HNRNPD: variants seen among roughly 807,000 people sequenced by gnomAD.
The protein encoded by HNRNPD is heterogeneous nuclear ribonucleoprotein D0.
In HNRNPD, 3 loss-of-function variants were observed where a neutral mutation model predicts 47.9. The ratio of observed to expected loss-of-function variants is 0.06; its 90% CI spans 0.03 to 0.16. The LOEUF (loss-of-function observed/expected upper bound fraction) is 0.16. Among genes scored for constraint, HNRNPD ranks in the 10% least tolerant of loss-of-function variants. The pLI is 1.00. For missense variants in HNRNPD, 287 were observed against 454.2 expected (o/e 0.63, Z 3.35); for synonymous variants, 171 against 165.1 (o/e 1.04, Z -0.28).
In HNRNPD at chr4:82,352,826, A is replaced by G. The variant is rs959803069; in HGVS notation, c.*1359T>C. On this transcript the variant is annotated 3_prime_UTR_variant, in exon 9 of 9. Coordinates refer to ENST00000313899, the MANE Select transcript of HNRNPD (RefSeq NM_031370.3). Reference sequence around the variant, plus strand: ...ACTTTAATAACACTAACTTTTGCTCATTAAAATGTTTGCTTAGTTGGAGGT... The same window carrying G: ...ACTTTAATAACACTAACTTTTGCTCGTTAAAATGTTTGCTTAGTTGGAGGT... The G allele has an allele frequency of 2.0e-5, 3 of 152,234 alleles. No homozygotes were observed. Among genetic ancestry groups the G allele is most frequent in the Admixed American group, 6.5e-5 (1 of 15,284 alleles). 9.4% of individuals were successfully genotyped at this position (152,234 alleles called of 1,614,324 possible).
At position 82,352,738 on chromosome 4, in the gene HNRNPD, T is replaced by G. The variant is rs893504679; in HGVS notation, c.*1447A>C. 1 of 152,194 alleles carries G rather than the reference T, an allele frequency of 6.6e-6. No individual in the cohort carries two copies. The highest frequency in any genetic ancestry group is 2.4e-5 in the African/African-American group (1 of 41,454). The allele number at this position is 152,194 out of a possible 1,614,324, so 9.4% of individuals were successfully genotyped here. Reference sequence around the variant, plus strand: ...TATACAAAACATAAACAAATGAGCATAGCTGGGTTGCAATCTTATAAAAAC... The same window carrying G: ...TATACAAAACATAAACAAATGAGCAGAGCTGGGTTGCAATCTTATAAAAAC... On this transcript the variant is annotated 3_prime_UTR_variant, in exon 9 of 9. Transcript: ENST00000313899.
chr4:82,359,430 T>C, intron 3 of HNRNPD, 41 bp downstream of exon 3: 1 of 1,345,870 alleles, frequency 7.4e-7, no homozygotes, highest in Non-Finnish European at 9.9e-7. Context: ...CATATGTTAA[T>C]ATTTTATATT....
At chr4:82,363,802 C>T (rs746893641) in intron 2 of HNRNPD, among the ~76,000 whole-genome samples, 31 of 152,314 alleles carry the variant, frequency 2.0e-4, no homozygotes, top group Admixed American at 2.6e-4. Flanking sequence ...ACATTGGCTT[C>T]CACCAAATTG....
At chr4:82,360,455 A>G (rs1021592807) in intron 2 of HNRNPD, among the ~76,000 whole-genome samples, 1 of 152,142 alleles carries the variant, frequency 6.6e-6, no homozygotes, top group Non-Finnish European at 1.5e-5. Context: ...AGCTTTACAT[A>G]GGCTCCCTTT....
At chr4:82,373,172 T>C (rs796920006) in intron 1 of HNRNPD, 13 of 648,554 alleles carry the variant, frequency 2.0e-5, no homozygotes, top group South Asian at 6.0e-5. Flanking sequence ...AGGAGACCCA[T>C]GGCGAGGGAG....
In HNRNPD at chr4:82,357,622, C is replaced by G. The variant is rs940803662; in HGVS notation, c.622-178G>C. Reference sequence around the variant, plus strand: ...TAAGGAATTCTTCAAATTAGAACACCCATTCCATCTAAGGTCTTCACAACT... The same window carrying G: ...TAAGGAATTCTTCAAATTAGAACACGCATTCCATCTAAGGTCTTCACAACT... On this transcript the variant is annotated intron_variant, in intron 4 of 8. Transcript: ENST00000313899. The G allele has an allele frequency of 1.4e-5, 7 of 513,676 alleles. No homozygotes were observed. In the African/African-American group the frequency reaches 1.4e-4, roughly 10 times the overall value. The allele number at this position is 513,676 out of a possible 1,614,324, so 31.8% of individuals were successfully genotyped here.
At chr4:82,369,127 C>T (rs1331393701) in intron 2 of HNRNPD, among the ~76,000 whole-genome samples, 1 of 152,182 alleles carries the variant, frequency 6.6e-6, no homozygotes, top group Non-Finnish European at 1.5e-5. Flanking sequence ...ACTTTAAAAA[C>T]TCTGCCCTCA....
At chr4:82,356,770 T>C (rs747864993) in intron 6 of HNRNPD, 26 bp downstream of exon 6, 7 of 1,612,398 alleles carry the variant, frequency 4.3e-6, no homozygotes, top group East Asian at 4.5e-5. Context: ...AAGCTTAAGA[T>C]AGAGTAAACT....
rs1004127154 is a variant in HNRNPD at position 82,352,795 on chromosome 4, A to T, written c.*1390T>A. ...CAGGTCCTCAATTTGGATCTATCATAAAAAAACTTTAATAACACTAACTTT... is the reference window on the plus strand; with the variant it reads ...CAGGTCCTCAATTTGGATCTATCATTAAAAAACTTTAATAACACTAACTTT... On this transcript the variant is annotated 3_prime_UTR_variant, in exon 9 of 9. Coordinates refer to ENST00000313899, the MANE Select transcript of HNRNPD (RefSeq NM_031370.3). 7.0e-5 allele frequency: 2 copies of T among 28,604 alleles called. No individual in the cohort carries two copies. Among genetic ancestry groups the T allele is most frequent in the Non-Finnish European group, 1.3e-4 (2 of 14,826 alleles). 1.8% of individuals were successfully genotyped at this position (28,604 alleles called of 1,614,324 possible).
At position 82,373,907 on chromosome 4, in the gene HNRNPD, T is replaced by TA. The variant is rs2110008427; in HGVS notation, c.-230dup. The TA allele has an allele frequency of 9.8e-7, 1 of 1,022,780 alleles. No homozygotes were observed. The highest frequency in any genetic ancestry group is 3.2e-5 in the East Asian group (1 of 31,528). 63.4% of individuals were successfully genotyped at this position (1,022,780 alleles called of 1,614,324 possible). Reference sequence around the variant, plus strand: ...ACACTCCCGCTCTCTCCCGCTGCACTAAAAAAGAATAAGCACCAGCGGCGG... The same window carrying TA: ...ACACTCCCGCTCTCTCCCGCTGCACTAAAAAAAGAATAAGCACCAGCGGCGG... On this transcript the variant is annotated 5_prime_UTR_variant, in exon 1 of 9. Coordinates refer to ENST00000313899, the MANE Select transcript of HNRNPD (RefSeq NM_031370.3).
At chr4:82,356,090 G>C (rs1237531418) in intron 7 of HNRNPD, 1 of 154,116 alleles carries the variant, frequency 6.5e-6, no homozygotes, top group Non-Finnish European at 1.4e-5. Context: ...AAGTTTTTTG[G>C]TTCTATCAAG....
chr4:82,361,829 G>A (rs1453966957), intron 2 of HNRNPD, among the ~76,000 whole-genome samples: 2 of 152,056 alleles, frequency 1.3e-5, no homozygotes, highest in African/African-American at 4.8e-5. Flanking sequence ...CTCTCCAAAC[G>A]TACTCCCCAC....
In HNRNPD at chr4:82,370,981, T is replaced by TATACAC. The variant is rs142474751; in HGVS notation, c.290+546_290+547insGTGTAT. Among the ~76,000 whole-genome samples the TATACAC allele has an allele frequency of 3.9e-3, 588 of 149,450 alleles. 8 individuals are homozygous for TATACAC. The highest frequency in any genetic ancestry group is 0.028 in the East Asian group (139 of 5,050). Reference sequence around the variant, plus strand: ...AGCCCACCTTTTAATGGTATATATATACACACACACACACACACACACACT... The same window carrying TATACAC: ...AGCCCACCTTTTAATGGTATATATATATACACACACACACACACACACACACACACT... On this transcript the variant is annotated intron_variant, in intron 2 of 8. Coordinates refer to ENST00000313899, the MANE Select transcript of HNRNPD (RefSeq NM_031370.3).
intron 2 of HNRNPD, among the ~76,000 whole-genome samples, chr4:82,370,089 C>T (rs1719963435): frequency 6.6e-6 from 1 of 152,094 alleles, no homozygotes; most frequent in African/African-American, 2.4e-5. Context: ...TTGCGCTGAG[C>T]CAAGATCACA....
At position 82,373,911 on chromosome 4, in the gene HNRNPD, AAAG is replaced by A. The variant is rs1435459707; in HGVS notation, c.-236_-234del. The A allele has an allele frequency of 1.9e-6, 2 of 1,029,168 alleles. No homozygotes were observed. The highest frequency in any genetic ancestry group is 3.4e-5 in the African/African-American group (2 of 58,498). 63.8% of individuals were successfully genotyped at this position (1,029,168 alleles called of 1,614,324 possible). ...TCCCGCTCTCTCCCGCTGCACTAAA[AAAG>A]AATAAGCACCAGCGGCGGCCGCTCT... On this transcript the variant is annotated 5_prime_UTR_variant, in exon 1 of 9. Transcript: ENST00000313899.
chr4:82,372,359 T>C (rs954057868), intron 1 of HNRNPD, among the ~76,000 whole-genome samples: 6 of 152,044 alleles, frequency 3.9e-5, no homozygotes, highest in Admixed American at 1.3e-4. Flanking sequence ...GTTATTTCAA[T>C]TGGAGGAAGC....
chr4:82,355,480 T>C (rs1723677465), intron 7 of HNRNPD, 79 bp from the exon 8 acceptor site: 2 of 1,023,278 alleles, frequency 2.0e-6, no homozygotes, highest in Non-Finnish European at 3.0e-6. Context: ...TTTTAAACAA[T>C]CTCAAAAAAT....
At chr4:82,373,163 G>A (rs1720162333) in intron 1 of HNRNPD, 4 of 641,960 alleles carry the variant, frequency 6.2e-6, no homozygotes, top group Admixed American at 2.1e-5. Context: ...GTCGGTGGGA[G>A]GAGACCCATG....
At chr4:82,364,112 G>T (rs1719625795) in intron 2 of HNRNPD, among the ~76,000 whole-genome samples, 2 of 151,852 alleles carry the variant, frequency 1.3e-5, no homozygotes, top group African/African-American at 4.8e-5. Flanking sequence ...CAGTAGCTCG[G>T]ACTACAGGCA....
Sources: gnomAD v4.1 joint callset for allele counts (sites outside exome capture counted in the v4.1 genomes callset) on GRCh38, gnomAD v4.1.1 for gene constraint, MANE v1.5 for transcripts, NCBI Gene and HGNC (gene_info 2026-07-23, HGNC 2026-07-21) for gene names.